Variants in RIGI observed in about 807,000 individuals in gnomAD.
The protein encoded by RIGI is RNA sensor RIG-I, also known as antiviral innate immune response receptor RIG-I.
chr9:32,476,913 T>A, the RIGI span: 2 of 1,353,960 alleles, frequency 1.5e-6, no homozygotes, highest in Non-Finnish European at 2.0e-6. Flanking sequence ...TGAGACACCA[T>A]ACCCAGCCCA....
chr9:32,471,635 A>G, the RIGI span, among the ~76,000 whole-genome samples: 2 of 152,364 alleles, frequency 1.3e-5, no homozygotes, highest in South Asian at 2.1e-4. Flanking sequence ...GGAAGGCTAC[A>G]TGGCAGAAGC....
chr9:32,470,623 T>G, the RIGI span, among the ~76,000 whole-genome samples: 1 of 152,222 alleles, frequency 6.6e-6, no homozygotes, highest in African/African-American at 2.4e-5. Context: ...TATTATTATT[T>G]TTCCATTTGA....
chr9:32,459,330 T>A, the RIGI span: 1 of 1,601,518 alleles, frequency 6.2e-7, no homozygotes, highest in Non-Finnish European at 8.5e-7. Context: ...CTGTAGCTAG[T>A]GCTAAAACAT....
the RIGI span, among the ~76,000 whole-genome samples, chr9:32,502,504 C>A: frequency 6.6e-6 from 1 of 152,350 alleles, no homozygotes; most frequent in Non-Finnish European, 1.5e-5. Context: ...TTCCACACAT[C>A]CTTGACAGTA....
chr9:32,459,334 A>G, the RIGI span: 1 of 1,604,132 alleles, frequency 6.2e-7, no homozygotes, highest in South Asian at 1.1e-5. Flanking sequence ...AGCTAGTGCT[A>G]AAACATGACC....
the RIGI span, among the ~76,000 whole-genome samples, chr9:32,508,753 C>T: frequency 2.0e-5 from 3 of 152,024 alleles, no homozygotes; most frequent in Admixed American, 1.3e-4. Context: ...AAGACAGAAC[C>T]ATTCACTCTC....
chr9:32,467,860 G>T, the RIGI span: 14 of 1,613,652 alleles, frequency 8.7e-6, no homozygotes, highest in Non-Finnish European at 1.2e-5. Context: ...AACTGAGGTG[G>T]CAATCAGAAT....
the RIGI span, chr9:32,480,321 C>T: frequency 6.2e-7 from 1 of 1,608,042 alleles, no homozygotes; most frequent in Admixed American, 1.7e-5. Context: ...TTCATTCGTG[C>T]ATGCTCACTG....
At chr9:32,482,351 T>C in the RIGI span, among the ~76,000 whole-genome samples, 2 of 152,120 alleles carry the variant, frequency 1.3e-5, no homozygotes, top group Admixed American at 6.5e-5. Flanking sequence ...AGCCAAGTAA[T>C]AAGTAATTTA....
At chr9:32,470,145 A>G in the RIGI span, among the ~76,000 whole-genome samples, 4 of 152,178 alleles carry the variant, frequency 2.6e-5, no homozygotes, top group African/African-American at 9.7e-5. Context: ...ACTTTCTGTT[A>G]TTTTTGAATC....
At chr9:32,461,301 AAG>A in the RIGI span, among the ~76,000 whole-genome samples, 3 of 152,268 alleles carry the variant, frequency 2.0e-5, no homozygotes, top group South Asian at 6.2e-4. Flanking sequence ...GAATGGCTAA[AAG>A]AAGTTTTCTA....
chr9:32,493,875 A>G, the RIGI span: 1 of 1,610,718 alleles, frequency 6.2e-7, no homozygotes, highest in East Asian at 2.2e-5. Flanking sequence ...AAAGTAATCT[A>G]TACTCCTCCA....
the RIGI span, among the ~76,000 whole-genome samples, chr9:32,466,020 G>A: frequency 6.6e-6 from 1 of 152,160 alleles, no homozygotes; most frequent in African/African-American, 2.4e-5. Context: ...TCCAGTATTA[G>A]GATATAGTCC....
chr9:32,488,212 T>A, the RIGI span: 5 of 1,611,860 alleles, frequency 3.1e-6, no homozygotes, highest in Non-Finnish European at 4.2e-6. Context: ...ACCTGGGAAA[T>A]GACAGAAATT....
At chr9:32,464,134 T>C in the RIGI span, among the ~76,000 whole-genome samples, 3 of 151,556 alleles carry the variant, frequency 2.0e-5, no homozygotes, top group South Asian at 6.3e-4. Flanking sequence ...AAGAAAGCAG[T>C]CTGCCAGTAC....
At chr9:32,484,520 G>A in the RIGI span, among the ~76,000 whole-genome samples, 2 of 152,042 alleles carry the variant, frequency 1.3e-5, no homozygotes, top group African/African-American at 4.8e-5. Flanking sequence ...AGATGCCTGG[G>A]GGGAAATCAG....
At chr9:32,517,017 C>T in the RIGI span, among the ~76,000 whole-genome samples, 5 of 152,308 alleles carry the variant, frequency 3.3e-5, no homozygotes, top group South Asian at 4.1e-4. Context: ...TTTTGTACTA[C>T]GTTTGCCCCA....
At chr9:32,488,132 T>C in the RIGI span, 1 of 1,614,108 alleles carries the variant, frequency 6.2e-7, no homozygotes, top group African/African-American at 1.3e-5. Flanking sequence ...AATGATGATG[T>C]CATTGTTCTC....
chr9:32,467,860 G>A, the RIGI span: 1 of 1,613,654 alleles, frequency 6.2e-7, no homozygotes, highest in African/African-American at 1.3e-5. Context: ...AACTGAGGTG[G>A]CAATCAGAAT....
Sources: gnomAD v4.1 joint callset for allele counts (sites outside exome capture counted in the v4.1 genomes callset) on GRCh38, gnomAD v4.1.1 for gene constraint, MANE v1.5 for transcripts, NCBI Gene and HGNC (gene_info 2026-07-23, HGNC 2026-07-21) for gene names.